CAPN7: variants seen among roughly 807,000 people sequenced by gnomAD.
The protein encoded by CAPN7 is calpain-7.
Under a neutral mutation model 115.2 loss-of-function variants are expected in CAPN7, and 72 were observed. The observed-to-expected ratio is 0.63, with a 90% CI of 0.52 to 0.76. The LOEUF is 0.76. Ranked by LOEUF, CAPN7 falls within the 30% of genes least tolerant of loss-of-function variation. The pLI, the probability that CAPN7 is intolerant of heterozygous loss-of-function variation, is 0.00. For missense variants in CAPN7, 905 were observed against 971.5 expected, an observed-to-expected ratio of 0.93 and a Z score of 0.91; for synonymous variants, 344 against 322.3, an observed-to-expected ratio of 1.07 and a Z score of -0.72.
At chr3:15,241,378 CT>C in intron 14 of CAPN7, 74 bp from the exon 15 acceptor site, 1 of 1,455,220 alleles carries the variant, frequency 6.9e-7, no homozygotes, top group South Asian at 1.3e-5. Flanking sequence ...GCTTAATTCA[CT>C]TTTTGAAATA....
Position 15,242,236 on chromosome 3 carries a change from A to G in CAPN7, c.1847A>G (p.Lys616Arg). 1 of 1,597,664 alleles carries G rather than the reference A, an allele frequency of 6.3e-7. No homozygotes were observed. Among genetic ancestry groups the G allele is most frequent in the East Asian group, 2.2e-5 (1 of 44,446 alleles). ...ATGGTTGTATACAAGACTGATGGGAAAAAAGTTTATTACCCAGGTATGTTT... is the reference window on the plus strand; with the variant it reads ...ATGGTTGTATACAAGACTGATGGGAGAAAAGTTTATTACCCAGGTATGTTT... ...ITMVVYKTDG[K>R]KVYYPADPPP... Residue 616 changes from lysine to arginine, a missense_variant, in exon 16 of 21, where the codon AAA becomes AGA. Transcript: ENST00000253693.
chr3:15,229,567 T>TTC (rs1223203006), intron 8 of CAPN7, among the ~76,000 whole-genome samples: 5 of 79,254 alleles, frequency 6.3e-5, no homozygotes, highest in Non-Finnish European at 1.1e-4. Context: ...TTTTCTTTTT[T>TTC]TTTTTTTTTT....
chr3:15,207,238 G>A (rs7646254), intron 1 of CAPN7, among the ~76,000 whole-genome samples: 16,469 of 152,142 alleles, frequency 0.11, 2,990 homozygotes, highest in African/African-American at 0.37. Context: ...GTTACATGCA[G>A]TGGTAAGTAT....
chr3:15,242,019 A>G (rs939381341), intron 15 of CAPN7, among the ~76,000 whole-genome samples, 159 bp from the exon 16 acceptor site: 1 of 152,198 alleles, frequency 6.6e-6, no homozygotes, highest in Non-Finnish European at 1.5e-5. Context: ...ATTCAGAAAA[A>G]CAATGTTTCT....
intron 4 of CAPN7, among the ~76,000 whole-genome samples, chr3:15,219,618 A>C (rs1036594331): frequency 1.3e-5 from 2 of 152,206 alleles, no homozygotes; most frequent in Non-Finnish European, 2.9e-5. Flanking sequence ...TGAGATAGCC[A>C]TGGGCTCCTA....
rs538267209 is a variant in CAPN7 at position 15,243,667 on chromosome 3, C to T, written c.1864+1414C>T. Among the ~76,000 whole-genome samples, 4 of 152,228 alleles carry T rather than the reference C, an allele frequency of 2.6e-5. No individual in the cohort carries two copies. In the South Asian group the frequency reaches 8.3e-4, roughly 32 times the overall value. On this transcript the variant is annotated intron_variant, in intron 16 of 20. Coordinates refer to ENST00000253693, the MANE Select transcript of CAPN7 (RefSeq NM_014296.3). ...TTCAAGAGAAAAAGAAAGGACAGTT[C>T]CATCTATTGATGTTTGAGAAATCAA...
chr3:15,243,077 G>A (rs1448517517), intron 16 of CAPN7, among the ~76,000 whole-genome samples: 2 of 152,180 alleles, frequency 1.3e-5, no homozygotes, highest in Non-Finnish European at 2.9e-5. Flanking sequence ...ACCTCTTTGA[G>A]CAGGGATGAG....
rs1559397397 is a variant in CAPN7, at chr3:15,227,942, G to C, written c.829G>C (p.Val277Leu). 1 of 1,476,354 alleles carries C rather than the reference G, an allele frequency of 6.8e-7. No homozygotes were observed. Among genetic ancestry groups the C allele is most frequent in the Admixed American group, 2.3e-5 (1 of 42,952 alleles). 91.5% of individuals were successfully genotyped at this position (1,476,354 alleles called of 1,614,324 possible). A position where few individuals can be genotyped will look rare whatever the true frequency, so the allele number is the denominator to read the frequency against. Residue 277 changes from valine (V) to leucine (L), a missense_variant, in exon 7 of 21, where the codon GTG (valine) becomes CTG (leucine). This residue lies in a region of CAPN7 where 620 missense variants were observed against 703.4 expected (regional missense o/e 0.88). Transcript: ENST00000253693. ...LTNNPTMIYTVSSFSIKQTIV... is the reference protein window; with the variant it reads ...LTNNPTMIYTLSSFSIKQTIV... ...CAACAATCCTACAATGATATATACT[G>C]TGTCCAGTTTTAGCATAAAGCAGGT...
chr3:15,218,594 A>G, intron 4 of CAPN7, 54 bp downstream of exon 4: 1 of 1,258,296 alleles, frequency 7.9e-7, no homozygotes, highest in Non-Finnish European at 1.2e-6. Context: ...TGTTATTTAA[A>G]CAAATTTATC....
At chr3:15,241,031 C>G (rs1441459516) in intron 14 of CAPN7, among the ~76,000 whole-genome samples, 178 bp downstream of exon 14, 1 of 152,106 alleles carries the variant, frequency 6.6e-6, no homozygotes, top group East Asian at 1.9e-4. Flanking sequence ...ATGGCAAAAC[C>G]TTGTCTCTAC....
rs757085985 is a variant in CAPN7, at chr3:15,242,211, A to G, written c.1822A>G (p.Met608Val). ...TGCGAATAATCGAGAATTTATCACA[A>G]TGGTTGTATACAAGACTGATGGGAA... ...DFANNREFIT[M>V]VVYKTDGKKV... The change falls in exon 16 of 21, where the codon ATG becomes GTG. Residue 608 changes from methionine to valine, a missense_variant. By Grantham distance (21) the Met-to-Val change is conservative. Transcript: ENST00000253693. 17 of 1,605,188 alleles carry G rather than the reference A, an allele frequency of 1.1e-5. No individual in the cohort carries two copies. The highest frequency in any genetic ancestry group is 5.6e-5 in the South Asian group (5 of 88,522).
chr3:15,216,515 C>T (rs776700324), intron 2 of CAPN7, among the ~76,000 whole-genome samples: 1 of 152,028 alleles, frequency 6.6e-6, no homozygotes, highest in Non-Finnish European at 1.5e-5. Context: ...TTTATATATT[C>T]TGGATACATG....
At chr3:15,227,687 A>G in intron 6 of CAPN7, 152 bp from the exon 7 acceptor site, 1 of 397,912 alleles carries the variant, frequency 2.5e-6, no homozygotes, top group Admixed American at 4.5e-5. Flanking sequence ...TGGACTCTAT[A>G]AAGAGCCAGA....
intron 2 of CAPN7, among the ~76,000 whole-genome samples, chr3:15,215,031 C>T (rs1177556650): frequency 6.6e-6 from 1 of 152,238 alleles, no homozygotes; most frequent in East Asian, 1.9e-4. Flanking sequence ...CTGAGAAACA[C>T]TGGGCTAGAT....
chr3:15,237,013 A>C (rs139797148), intron 12 of CAPN7, among the ~76,000 whole-genome samples: 1 of 152,256 alleles, frequency 6.6e-6, no homozygotes, highest in African/African-American at 2.4e-5. Flanking sequence ...AAGCCAGTCA[A>C]ATCATCAGTG....
intron 6 of CAPN7, among the ~76,000 whole-genome samples, chr3:15,225,275 G>C (rs946235950): frequency 6.6e-6 from 1 of 152,058 alleles, no homozygotes; most frequent in Non-Finnish European, 1.5e-5. Context: ...TTTTACTTCA[G>C]GAATCCAGTT....
In CAPN7 at chr3:15,206,404, C is replaced by G. The variant is rs530848800; in HGVS notation, c.-92C>G. 47 of 928,402 alleles carry G rather than the reference C, an allele frequency of 5.1e-5. No homozygotes were observed. Among genetic ancestry groups the G allele is most frequent in the South Asian group, 7.8e-5 (5 of 64,446 alleles). The allele number at this position is 928,402 out of a possible 1,614,324, so 57.5% of individuals were successfully genotyped here. The stretch of plus-strand genomic sequence containing the variant: ...TTTGCCGCTCCTTCCGCGGCGCTCC[C>G]GAGTCCTCGCCGCCGCCGGGCCGCC... On this transcript the variant is annotated 5_prime_UTR_variant, in exon 1 of 21. Transcript: ENST00000253693.
chr3:15,238,965 G>A (rs1457412684), intron 12 of CAPN7, among the ~76,000 whole-genome samples: 2 of 147,240 alleles, frequency 1.4e-5, no homozygotes, highest in African/African-American at 2.6e-5. Context: ...TATCACTGAT[G>A]CTGGGGGTCT....
At position 15,240,533 on chromosome 3, in the gene CAPN7, A is replaced by G. The variant is rs1212145911; in HGVS notation, c.1468A>G (p.Ser490Gly). 3.7e-6 allele frequency: 6 copies of G among 1,613,422 alleles called. No homozygotes were observed. The East Asian group carries it at 1.1e-4, about 30-fold the overall frequency. ...TCATTTACGTTGGAAAGGAAGATACAGTGAAAATGATGTAAAAAACTGGAC... is the reference window on the plus strand; with the variant it reads ...TCATTTACGTTGGAAAGGAAGATACGGTGAAAATGATGTAAAAAACTGGAC... Reference protein sequence around the residue: ...WSHLRWKGRYSENDVKNWTPE... With the variant: ...WSHLRWKGRYGENDVKNWTPE... The change falls in exon 13 of 21, where the codon AGT becomes GGT. Residue 490 changes from serine to glycine, a missense_variant. Ser to Gly is a moderately conservative substitution (Grantham distance 56). Around this residue, in one of 3 missense-constraint regions of CAPN7, gnomAD observed 620 missense variants for 703.4 expected, o/e 0.88. Transcript: ENST00000253693.
Sources: gnomAD v4.1 joint callset for allele counts (sites outside exome capture counted in the v4.1 genomes callset) on GRCh38, gnomAD v4.1.1 for gene constraint, gnomAD v4.1.1 regional missense constraint, MANE v1.5 for transcripts, NCBI Gene and HGNC (gene_info 2026-07-23, HGNC 2026-07-21) for gene names.